STK3: variants seen among roughly 807,000 people sequenced by gnomAD.
STK3 encodes the protein serine/threonine kinase 3, also known as serine/threonine-protein kinase 3.
Under a neutral mutation model 58.0 loss-of-function variants are expected in STK3, and 41 were observed. That is an observed-to-expected ratio of 0.71 (90% CI 0.55 to 0.92). The LOEUF is 0.92. Among genes scored for constraint, STK3 ranks in the 40% least tolerant of loss-of-function variants. The pLI, the probability that STK3 is intolerant of heterozygous loss-of-function variation, is 0.00. For missense variants in STK3, 479 were observed against 602.7 expected, an observed-to-expected ratio of 0.79 and a Z score of 2.15; for synonymous variants, 170 against 191.0, an observed-to-expected ratio of 0.89 and a Z score of 0.91.
intron 1 of STK3, among the ~76,000 whole-genome samples, chr8:98,885,585 A>G (rs1837958163): frequency 6.6e-6 from 1 of 152,076 alleles, no homozygotes; most frequent in Non-Finnish European, 1.5e-5. Flanking sequence ...GATTACAGGC[A>G]TGCGCCACCA....
intron 1 of STK3, among the ~76,000 whole-genome samples, chr8:98,785,742 C>A (rs553162536): frequency 6.6e-5 from 10 of 152,224 alleles, no homozygotes; most frequent in Non-Finnish European, 7.4e-5. Flanking sequence ...AACCTGCCAA[C>A]TGAAGTGCAT....
intron 10 of STK3, among the ~76,000 whole-genome samples, chr8:98,486,556 A>G (rs1264543091): frequency 6.6e-6 from 1 of 152,206 alleles, no homozygotes; most frequent in Non-Finnish European, 1.5e-5. Flanking sequence ...CAGGTCCTTC[A>G]CCACATAAAT....
chr8:98,630,937 C>T (rs1275106015), intron 6 of STK3, among the ~76,000 whole-genome samples: 1 of 151,830 alleles, frequency 6.6e-6, no homozygotes, highest in Non-Finnish European at 1.5e-5. Context: ...TATTAAAACA[C>T]ATTAACTATA....
the STK3 span, among the ~76,000 whole-genome samples, chr8:98,348,235 T>C: frequency 3.3e-5 from 5 of 152,334 alleles, no homozygotes; most frequent in Middle Eastern, 3.4e-3. Context: ...ACAAAGACTT[T>C]ACATCCTTCA....
chr8:98,393,165 C>T (rs1046378927), upstream of STK3, among the ~76,000 whole-genome samples: 2 of 152,192 alleles, frequency 1.3e-5, no homozygotes, highest in African/African-American at 2.4e-5. Flanking sequence ...CCCAGGTCAA[C>T]TTTAGCAGCC....
At chr8:98,928,716 A>G (rs1455387171) in intron 1 of STK3, among the ~76,000 whole-genome samples, 1 of 152,186 alleles carries the variant, frequency 6.6e-6, no homozygotes, top group African/African-American at 2.4e-5. Context: ...AGATTCTACA[A>G]TACTGGTATT....
intron 1 of STK3, among the ~76,000 whole-genome samples, chr8:98,801,328 G>C (rs1033090104): frequency 6.6e-6 from 1 of 152,142 alleles, no homozygotes; most frequent in Non-Finnish European, 1.5e-5. Context: ...GGTGGGGTCA[G>C]ATAAGGGAAT....
chr8:98,739,153 T>TC (rs1037926984), intron 4 of STK3, among the ~76,000 whole-genome samples: 41 of 152,348 alleles, frequency 2.7e-4, no homozygotes, highest in Admixed American at 2.4e-3. Context: ...AGGCTCCACC[T>TC]CTGGGGGCAG....
At chr8:98,418,893 G>T (rs935671380) in intron 3 of STK3, among the ~76,000 whole-genome samples, 11 of 152,296 alleles carry the variant, frequency 7.2e-5, no homozygotes, top group African/African-American at 2.2e-4. Context: ...GCCACAACCT[G>T]CAGACAAAGA....
intron 3 of STK3, among the ~76,000 whole-genome samples, chr8:98,764,281 A>C (rs775477066): frequency 2.6e-5 from 4 of 152,236 alleles, no homozygotes; most frequent in Non-Finnish European, 2.9e-5. Context: ...CATAACAAGA[A>C]TAAGTACCTG....
At chr8:98,598,354 A>G (rs1304179440) in intron 6 of STK3, 1 of 985,238 alleles carries the variant, frequency 1.0e-6, no homozygotes, top group Non-Finnish European at 1.2e-6. Context: ...CATAAAGTGA[A>G]CCTAAAATGT....
downstream of STK3, among the ~76,000 whole-genome samples, chr8:98,370,200 C>T (rs1477997875): frequency 6.6e-6 from 1 of 151,596 alleles, no homozygotes; most frequent in Non-Finnish European, 1.5e-5. Context: ...CCCTGGGCCT[C>T]CCAGGTCTTT....
intron 4 of STK3, among the ~76,000 whole-genome samples, chr8:98,746,575 T>C (rs1829655455): frequency 6.6e-6 from 1 of 152,028 alleles, no homozygotes; most frequent in Admixed American, 6.6e-5. Flanking sequence ...ATCACACCAC[T>C]GCACTACAGC....
At chr8:98,456,500 C>A (rs901063010) in intron 10 of STK3, among the ~76,000 whole-genome samples, 1 of 152,186 alleles carries the variant, frequency 6.6e-6, no homozygotes, top group Non-Finnish European at 1.5e-5. Context: ...AAGAAGATGA[C>A]TGTGGTAGGG....
At chr8:98,448,325 G>A (rs1015468474) in intron 1 of STK3, among the ~76,000 whole-genome samples, 24 of 152,264 alleles carry the variant, frequency 1.6e-4, no homozygotes, top group African/African-American at 5.8e-4. Flanking sequence ...CACACTGATT[G>A]ATTAATAATG....
chr8:98,390,800 T>C (rs1817842122), upstream of STK3, among the ~76,000 whole-genome samples: 2 of 152,190 alleles, frequency 1.3e-5, 1 homozygote, highest in South Asian at 4.1e-4. Context: ...GACTCTTTCC[T>C]CTGTCACTCA....
At chr8:98,620,670 G>A (rs1473783719) in intron 6 of STK3, among the ~76,000 whole-genome samples, 1 of 150,836 alleles carries the variant, frequency 6.6e-6, no homozygotes. Context: ...AAGACAAGAA[G>A]AAAGAAAATA....
chr8:98,600,396 T>C (rs1464351899), intron 6 of STK3, among the ~76,000 whole-genome samples: 1 of 152,240 alleles, frequency 6.6e-6, no homozygotes, highest in Non-Finnish European at 1.5e-5. Context: ...GATTAATACA[T>C]GTAAAACACT....
chr8:98,915,626 ATAAT>A (rs1238538504), intron 1 of STK3, among the ~76,000 whole-genome samples: 2 of 151,806 alleles, frequency 1.3e-5, no homozygotes, highest in African/African-American at 4.8e-5. Context: ...AATGCAAATA[ATAAT>A]TAATGCTGAT....
Sources: gnomAD v4.1 joint callset for allele counts (sites outside exome capture counted in the v4.1 genomes callset) on GRCh38, gnomAD v4.1.1 for gene constraint, MANE v1.5 for transcripts, NCBI Gene and HGNC (gene_info 2026-07-23, HGNC 2026-07-21) for gene names.